Variants in CTNNA3 observed in about 807,000 individuals in gnomAD.
CTNNA3 encodes catenin alpha-3.
A neutral mutation model predicts 95.7 loss-of-function variants in CTNNA3; 76 were observed. The observed-to-expected ratio is 0.79, with a 90% confidence interval of 0.66 to 0.96. The LOEUF is 0.96. Ranked by LOEUF, CTNNA3 falls within the 40% of genes least tolerant of loss-of-function variation. The pLI is 0.00. For missense variants in CTNNA3, 1,191 were observed against 1,089.8 expected (o/e 1.09, Z -1.31); for synonymous variants, 431 against 374.4 (o/e 1.15, Z -1.74).
intron 1 of CTNNA3, among the ~76,000 whole-genome samples, chr10:67,728,735 AATT>A (rs200419780): frequency 0.039 from 5,973 of 152,174 alleles, 167 homozygotes; most frequent in South Asian, 0.095. Context: ...TATTATCTGT[AATT>A]ATTAATAATC....
chr10:67,263,409 C>T (rs780800985), intron 5 of CTNNA3, among the ~76,000 whole-genome samples: 7 of 152,122 alleles, frequency 4.6e-5, no homozygotes, highest in Admixed American at 6.6e-5. Flanking sequence ...GCTACAAATG[C>T]GTTGATTTGT....
chr10:66,885,502 T>A (rs1845010206), intron 7 of CTNNA3, among the ~76,000 whole-genome samples: 1 of 152,136 alleles, frequency 6.6e-6, no homozygotes, highest in East Asian at 1.9e-4. Flanking sequence ...AATGTCCAGA[T>A]TCAGAACTCA....
intron 3 of CTNNA3, among the ~76,000 whole-genome samples, chr10:67,542,145 A>G (rs1328854288): frequency 6.6e-6 from 1 of 152,120 alleles, no homozygotes. Context: ...AGATGCTACA[A>G]CTTAAATTCT....
chr10:66,998,286 C>G (rs1175936695), intron 7 of CTNNA3, among the ~76,000 whole-genome samples: 1 of 152,036 alleles, frequency 6.6e-6, no homozygotes, highest in Non-Finnish European at 1.5e-5. Flanking sequence ...ACTTAGCATA[C>G]ACTGTTGTTT....
chr10:67,283,205 G>T (rs1839466298), intron 5 of CTNNA3, among the ~76,000 whole-genome samples: 1 of 152,156 alleles, frequency 6.6e-6, no homozygotes, highest in South Asian at 2.1e-4. Flanking sequence ...TCTTCACCAG[G>T]AATGTCAGGC....
rs575398678 is a variant in CTNNA3, at chr10:66,654,142, A to G, written c.1282-32358T>C. ...ATGCTAAAAAGTTTCTTCACAGCCA[A>G]GGAAATAATTAACAGAGTGAAGAGA... On this transcript the variant is annotated intron_variant, in intron 9 of 17. Coordinates refer to ENST00000433211, the MANE Select transcript of CTNNA3 (RefSeq NM_013266.4). Among the ~76,000 whole-genome samples the G allele has an allele frequency of 2.0e-3, 297 of 152,244 alleles. 1 individual carries two copies. The highest frequency in any genetic ancestry group is 2.5e-3 in the African/African-American group (102 of 41,582).
At chr10:66,254,821 G>A (rs4746567) in intron 13 of CTNNA3, among the ~76,000 whole-genome samples, 81,943 of 152,030 alleles carry the variant, frequency 0.54, 23,078 homozygotes, top group African/African-American at 0.7. Flanking sequence ...GAGAAGGAGT[G>A]TCTGTCTGTC....
intron 12 of CTNNA3, among the ~76,000 whole-genome samples, chr10:66,344,642 A>G (rs1229174499): frequency 2.6e-5 from 4 of 152,072 alleles, no homozygotes; most frequent in Non-Finnish European, 5.9e-5. Flanking sequence ...ACTTAAATAA[A>G]CCTAAATTAG....
chr10:66,689,090 G>A (rs941266598), intron 9 of CTNNA3, among the ~76,000 whole-genome samples: 20 of 120,872 alleles, frequency 1.7e-4, no homozygotes, highest in South Asian at 3.2e-4. Context: ...ATGTGTGCAC[G>A]TGTGTGTATC....
intron 7 of CTNNA3, among the ~76,000 whole-genome samples, chr10:67,053,362 T>C (rs536933865): frequency 2.0e-5 from 3 of 152,126 alleles, no homozygotes; most frequent in Non-Finnish European, 2.9e-5. Flanking sequence ...ATAGAAGAAG[T>C]TGGAATTTTT....
At position 66,069,334 on chromosome 10, in the gene CTNNA3, G is replaced by A. The variant is rs754084649; in HGVS notation, c.2133C>T (p.Ile711=). The A allele has an allele frequency of 2.7e-5, 43 of 1,613,262 alleles. No homozygotes were observed. The highest frequency in any genetic ancestry group is 7.6e-6 in the Non-Finnish European group (9 of 1,179,600). ...IIVLAKNMCM[I]MMEMTDFTRG... is the part of the protein sequence containing the mutation. Reference sequence around the variant, plus strand: ...TAGTGAAGTCTGTCATCTCCATCATGATCATACACATGTTCTTGGCCAGAA... The same window carrying A: ...TAGTGAAGTCTGTCATCTCCATCATAATCATACACATGTTCTTGGCCAGAA... Residue 711 remains isoleucine, a synonymous_variant, in exon 15 of 18, where the codon ATC becomes ATT. Coordinates refer to ENST00000433211, the MANE Select transcript of CTNNA3 (RefSeq NM_013266.4).
chr10:67,444,114 G>T (rs1318759662), intron 5 of CTNNA3, among the ~76,000 whole-genome samples: 1 of 152,044 alleles, frequency 6.6e-6, no homozygotes, highest in East Asian at 1.9e-4. Flanking sequence ...TCAGCACAAG[G>T]ATCACTCTCA....
At chr10:67,042,156 T>C (rs1199845358) in intron 7 of CTNNA3, among the ~76,000 whole-genome samples, 1 of 152,120 alleles carries the variant, frequency 6.6e-6, no homozygotes, top group Non-Finnish European at 1.5e-5. Flanking sequence ...TAAAATGTGT[T>C]TTATGTATAC....
chr10:66,963,219 C>T (rs868579658), intron 7 of CTNNA3, among the ~76,000 whole-genome samples: 1 of 152,158 alleles, frequency 6.6e-6, no homozygotes, highest in African/African-American at 2.4e-5. Context: ...AGTGCATCCA[C>T]AAGGAGATGC....
At chr10:67,458,292 C>A (rs912314274) in intron 5 of CTNNA3, among the ~76,000 whole-genome samples, 1 of 151,998 alleles carries the variant, frequency 6.6e-6, no homozygotes, top group African/African-American at 2.4e-5. Flanking sequence ...GTATTAGAAT[C>A]AAAAGACACA....
chr10:66,731,194 T>G (rs1848949180), intron 9 of CTNNA3, among the ~76,000 whole-genome samples: 1 of 152,210 alleles, frequency 6.6e-6, no homozygotes. Flanking sequence ...ATTTGGCATT[T>G]GAATTGAGCA....
At chr10:66,416,349 C>A (rs898690919) in intron 11 of CTNNA3, among the ~76,000 whole-genome samples, 2 of 151,374 alleles carry the variant, frequency 1.3e-5, no homozygotes, top group Non-Finnish European at 2.9e-5. Flanking sequence ...TATTGGTATC[C>A]AAGAAGGCAA....
rs571702881 is a variant in CTNNA3 at position 66,422,034 on chromosome 10, T to C, written c.1532-42682A>G. On this transcript the variant is annotated intron_variant, in intron 11 of 17. Transcript: ENST00000433211. ...TTGTATTTTTTCCAAATGAAATTCC[T>C]ACAAATTGCCATTTCTGGAGTCTTG... 3.6e-4 allele frequency among the ~76,000 whole-genome samples: 55 copies of C among 151,846 alleles called. 1 individual carries two copies. In the South Asian group the frequency reaches 9.6e-3, roughly 26 times the overall value.
intron 5 of CTNNA3, among the ~76,000 whole-genome samples, chr10:67,248,241 G>A (rs1865977158): frequency 6.6e-6 from 1 of 152,108 alleles, no homozygotes; most frequent in South Asian, 2.1e-4. Context: ...GTGGTATGCG[G>A]CAGGAGGACC....
Sources: gnomAD v4.1 joint callset for allele counts (sites outside exome capture counted in the v4.1 genomes callset) on GRCh38, gnomAD v4.1.1 for gene constraint, MANE v1.5 for transcripts, NCBI Gene and HGNC (gene_info 2026-07-23, HGNC 2026-07-21) for gene names.